Variants in ZFHX4 observed in about 807,000 individuals in gnomAD.
The protein encoded by ZFHX4 is zinc finger homeobox protein 4.
Under a neutral mutation model 267.6 loss-of-function variants are expected in ZFHX4, and 56 were observed. That is an observed-to-expected ratio of 0.21 (90% CI 0.17 to 0.26). The LOEUF (loss-of-function observed/expected upper bound fraction) is 0.26. Ranked by LOEUF, ZFHX4 falls within the 10% of genes least tolerant of loss-of-function variation. ZFHX4 has a pLI of 1.00. For missense variants in ZFHX4, 4,332 were observed against 4,420.0 expected (o/e 0.98, Z 0.56); for synonymous variants, 1,778 against 1,665.6 (o/e 1.07, Z -1.64).
chr8:76,794,058 A>T lies in ZFHX4; in HGVS notation c.3325+15619A>T, dbSNP rs186585976. 3.9e-3 allele frequency among the ~76,000 whole-genome samples: 592 copies of T among 152,222 alleles called. 6 individuals are homozygous for T. Among genetic ancestry groups the T allele is most frequent in the African/African-American group, 0.012 (486 of 41,536 alleles). On this transcript the variant is annotated intron_variant, in intron 4 of 10. Coordinates refer to ENST00000651372, the MANE Select transcript of ZFHX4 (RefSeq NM_024721.5). ...CATTTTAAGTATTTTATCTTAACAG[A>T]ACTTTTTTATTTTTTTGGTGATGTT...
At chr8:76,707,343 G>A (rs982758488) in intron 2 of ZFHX4, among the ~76,000 whole-genome samples, 33 of 152,238 alleles carry the variant, frequency 2.2e-4, no homozygotes, top group Non-Finnish European at 2.4e-4. Context: ...ATGCCCAGTA[G>A]GAGTAATTAA....
In ZFHX4 at chr8:76,747,114, T is replaced by C. The variant is rs1029747406; in HGVS notation, c.3094-31094T>C. The stretch of plus-strand genomic sequence containing the variant: ...TATTTTTCAAGGAAAAAAATGACTA[T>C]ATTTATGGTAACTTCTGAAACTATA... On this transcript the variant is annotated intron_variant, in intron 3 of 10. Transcript: ENST00000651372. Among the ~76,000 whole-genome samples the C allele has an allele frequency of 6.6e-5, 10 of 152,260 alleles. No homozygotes were observed. In the East Asian group the frequency reaches 9.6e-4, roughly 15 times the overall value.
At chr8:76,845,148 G>C (rs1476466955) in intron 6 of ZFHX4, among the ~76,000 whole-genome samples, 1 of 152,106 alleles carries the variant, frequency 6.6e-6, no homozygotes, top group Admixed American at 6.6e-5. Flanking sequence ...GTTGTGCTAT[G>C]TTGCTGACAT....
chr8:76,850,873 T>C lies in ZFHX4; in HGVS notation c.3965-13T>C. 1 of 1,564,676 alleles carries C rather than the reference T, an allele frequency of 6.4e-7. No homozygotes were observed. Among genetic ancestry groups the C allele is most frequent in the Non-Finnish European group, 8.6e-7 (1 of 1,158,682 alleles). On this transcript the variant is annotated splice_polypyrimidine_tract_variant and intron_variant, in intron 9 of 10. Transcript: ENST00000651372. ...CTTATTGTAAGAGAGATGTTTGTGC[T>C]TTTTCCTAATAGGTGAAAGTCCAAT... is the stretch of plus-strand genomic sequence containing the variant.
At chr8:76,849,816 A>C (rs1037687531) in intron 8 of ZFHX4, 104 bp downstream of exon 8, 3 of 1,216,078 alleles carry the variant, frequency 2.5e-6, no homozygotes, top group African/African-American at 3.0e-5. Context: ...CTTCAGAGCT[A>C]ATTAAAGCTC....
At chr8:76,850,856 A>AAGAG (rs1812495310) in intron 9 of ZFHX4, 30 bp from the exon 10 acceptor site, 1 of 1,511,986 alleles carries the variant, frequency 6.6e-7, no homozygotes, top group Admixed American at 2.4e-5. Context: ...TTCTTATTGT[A>AAGAG]AGAGAGATGT....
intron 3 of ZFHX4, among the ~76,000 whole-genome samples, chr8:76,753,864 G>A (rs1472785188): frequency 1.3e-5 from 2 of 152,064 alleles, no homozygotes; most frequent in Non-Finnish European, 2.9e-5. Flanking sequence ...CTGGGCTCAA[G>A]TGATCCTCCT....
rs115229550 is a variant in ZFHX4, at chr8:76,832,538, G to A, written c.3326-800G>A. The stretch of plus-strand genomic sequence containing the variant: ...TTTGAGGCATATAGACTATTACAGA[G>A]GCTGCTGAAACGGTCAGGAAAGAGA... On this transcript the variant is annotated intron_variant, in intron 4 of 10. Transcript: ENST00000651372. 7.2e-3 allele frequency among the ~76,000 whole-genome samples: 1,092 copies of A among 152,170 alleles called. 10 individuals are homozygous for A. The highest frequency in any genetic ancestry group is 9.6e-3 in the Non-Finnish European group (653 of 68,006).
intron 3 of ZFHX4, among the ~76,000 whole-genome samples, chr8:76,723,853 C>T (rs1808786246): frequency 6.6e-6 from 1 of 152,026 alleles, no homozygotes; most frequent in Non-Finnish European, 1.5e-5. Context: ...TTCCTCTAAT[C>T]TTGGGGAAAG....
At chr8:76,842,957 C>G (rs1203849292) in intron 6 of ZFHX4, among the ~76,000 whole-genome samples, 186 bp downstream of exon 6, 8 of 152,162 alleles carry the variant, frequency 5.3e-5, no homozygotes, top group African/African-American at 1.9e-4. Context: ...AGTAGCCTCC[C>G]ATTGACCTAT....
Position 76,781,546 on chromosome 8 carries a change from T to TA in ZFHX4, c.3325+3107_3325+3108insA, listed in dbSNP as rs1810547400. Among the ~76,000 whole-genome samples, 3 of 152,208 alleles carry TA rather than the reference T, an allele frequency of 2.0e-5. No individual in the cohort carries two copies. In the East Asian group the frequency reaches 5.8e-4, roughly 29 times the overall value. ...TGGTTCTTAAACTGGGTTTCTTAAC[T>TA]TTTCATTTGATTTTGTTGGCATTGT... On this transcript the variant is annotated intron_variant, in intron 4 of 10. Coordinates refer to ENST00000651372, the MANE Select transcript of ZFHX4 (RefSeq NM_024721.5).
At chr8:76,807,353 A>T (rs1811270725) in intron 4 of ZFHX4, among the ~76,000 whole-genome samples, 1 of 152,072 alleles carries the variant, frequency 6.6e-6, no homozygotes, top group Non-Finnish European at 1.5e-5. Flanking sequence ...TCCATAGTGG[A>T]TATAATGAAT....
rs1812523655 is a variant in ZFHX4, at chr8:76,851,602, A to G, written c.4681A>G (p.Asn1561Asp). ...AAAGAACATTCTCTTGGTCCACTAT[A>G]ATTCAGTTTCTCACTTGCATAAGCT... ...TQKNILLVHYNSVSHLHKLKK... is the reference protein window; with the variant it reads ...TQKNILLVHYDSVSHLHKLKK... Residue 1561 changes from asparagine to aspartate, a missense_variant, in exon 10 of 11, where the codon AAT becomes GAT. Transcript: ENST00000651372. The G allele has an allele frequency of 1.2e-6, 2 of 1,613,762 alleles. No individual in the cohort carries two copies. The highest frequency in any genetic ancestry group is 1.7e-6 in the Non-Finnish European group (2 of 1,179,850).
intron 6 of ZFHX4, among the ~76,000 whole-genome samples, chr8:76,847,203 A>G (rs1228173771): frequency 6.6e-6 from 1 of 152,190 alleles, no homozygotes; most frequent in Non-Finnish European, 1.5e-5. Flanking sequence ...CTTCTAAAAC[A>G]ATATTCCAAA....
chr8:76,690,608 T>A (rs1807798466), intron 1 of ZFHX4, among the ~76,000 whole-genome samples: 1 of 152,036 alleles, frequency 6.6e-6, no homozygotes, highest in Non-Finnish European at 1.5e-5. Flanking sequence ...TACTTAAGAT[T>A]TCCTGAGCCC....
At chr8:76,687,948 G>A (rs990202165) in intron 1 of ZFHX4, among the ~76,000 whole-genome samples, 1 of 152,118 alleles carries the variant, frequency 6.6e-6, no homozygotes, top group African/African-American at 2.4e-5. Context: ...CTTTCTTTAT[G>A]TCTATGCTCC....
chr8:76,812,531 G>T (rs1811403564), intron 4 of ZFHX4, among the ~76,000 whole-genome samples: 1 of 152,182 alleles, frequency 6.6e-6, no homozygotes, highest in South Asian at 2.1e-4. Flanking sequence ...TATACAGTAA[G>T]TAGCATTAGG....
chr8:76,827,244 T>C (rs918972177), intron 4 of ZFHX4, among the ~76,000 whole-genome samples: 3 of 152,204 alleles, frequency 2.0e-5, no homozygotes, highest in Non-Finnish European at 4.4e-5. Flanking sequence ...CTAGATCCCT[T>C]GCATGTGCAG....
At chr8:76,818,765 A>G (rs1811569818) in intron 4 of ZFHX4, among the ~76,000 whole-genome samples, 1 of 152,150 alleles carries the variant, frequency 6.6e-6, no homozygotes, top group Non-Finnish European at 1.5e-5. Flanking sequence ...AAAAATAAAA[A>G]TTAAAAAATT....
Sources: allele counts gnomAD v4.1 joint callset (sites outside exome capture counted in the v4.1 genomes callset), GRCh38; gene constraint gnomAD v4.1.1; transcripts MANE v1.5; gene names NCBI Gene and HGNC (gene_info 2026-07-23, HGNC 2026-07-21).